Variants in SEC31A observed in about 807,000 individuals in gnomAD.
SEC31A encodes protein transport protein Sec31A.
In SEC31A, 70 loss-of-function variants were observed where a neutral mutation model predicts 151.0. The ratio of observed to expected loss-of-function variants is 0.46; its 90% CI spans 0.38 to 0.57. The LOEUF (loss-of-function observed/expected upper bound fraction) is 0.57. SEC31A is among the 20% of genes least tolerant of loss of function. The pLI, the probability that SEC31A is intolerant of heterozygous loss-of-function variation, is 0.00. For synonymous variants in SEC31A, 475 were observed against 505.9 expected (o/e 0.94, Z 0.82); for missense variants, 1,330 against 1,471.2 (o/e 0.90, Z 1.57).
At chr4:82,867,126 T>A in intron 9 of SEC31A, 29 bp downstream of exon 9, 1 of 1,595,656 alleles carries the variant, frequency 6.3e-7, no homozygotes. Context: ...TCAGGCATTA[T>A]AATAGAAAAC....
Position 82,867,217 on chromosome 4 carries a change from T to C in SEC31A, c.982A>G (p.Ile328Val), listed in dbSNP as rs1429469146. Residue 328 changes from isoleucine to valine, a missense_variant, in exon 9 of 27, where the codon ATC becomes GTC. Physicochemically the swap from Ile to Val is conservative, Grantham distance 29. Coordinates refer to ENST00000395310, the MANE Select transcript of SEC31A (RefSeq NM_001077207.4). ...CCTCCCATGATAGAATAAACACTGA[T>C]ACGCCCATCAAACGAAGCAGCTGAT... ...VLSAASFDGRISVYSIMGGST... is the reference protein window; with the variant it reads ...VLSAASFDGRVSVYSIMGGST... 6.2e-7 allele frequency: 1 copy of C among 1,614,038 alleles called. No individual in the cohort carries two copies.
intron 14 of SEC31A, among the ~76,000 whole-genome samples, chr4:82,861,344 C>G (rs561911688): frequency 4.3e-4 from 66 of 152,298 alleles, no homozygotes; most frequent in African/African-American, 1.6e-3. Context: ...TGAATAAAAT[C>G]TCTTTTCAGT....
At position 82,848,836 on chromosome 4, in the gene SEC31A, G is replaced by C. The variant is rs777405265; in HGVS notation, c.2470C>G (p.Pro824Ala). 1 of 1,613,794 alleles carries C rather than the reference G, an allele frequency of 6.2e-7. No individual in the cohort carries two copies. Among genetic ancestry groups the C allele is most frequent in the African/African-American group, 1.3e-5 (1 of 74,974 alleles). ...TAATATTGTTGAGTTTGAACTCTTG[G>C]CATCTGGTGGTGGCCAGCAACTGGT... is the stretch of plus-strand genomic sequence containing the variant. ...PGPVAGHHQMPRVQTQQYYPH... is the reference protein window; with the variant it reads ...PGPVAGHHQMARVQTQQYYPH... The change falls in exon 20 of 27, where the codon CCA becomes GCA. Residue 824 changes from proline (P) to alanine (A), a missense_variant. Pro to Ala is a conservative substitution (Grantham distance 27, BLOSUM62 -1). Transcript: ENST00000395310.
intron 15 of SEC31A, 94 bp from the exon 16 acceptor site, chr4:82,857,224 CA>C: frequency 9.6e-7 from 1 of 1,038,834 alleles, no homozygotes; most frequent in South Asian, 1.5e-5. Flanking sequence ...TATATATATA[CA>C]TGAATGGAGA....
In SEC31A at chr4:82,822,599, A is replaced by C. The variant is rs902372929; in HGVS notation, c.3412-1491T>G. Among the ~76,000 whole-genome samples, 21 of 152,334 alleles carry C rather than the reference A, an allele frequency of 1.4e-4. 1 individual carries two copies. The highest frequency in any genetic ancestry group is 1.4e-3 in the Admixed American group (21 of 15,294). On this transcript the variant is annotated intron_variant, in intron 25 of 26. Transcript: ENST00000395310. Reference sequence around the variant, plus strand: ...GCTGTTTAGACATAAAGTGAAAATAAGATACATCCATGCTATAAAAACTAT... The same window carrying C: ...GCTGTTTAGACATAAAGTGAAAATACGATACATCCATGCTATAAAAACTAT...
At chr4:82,855,180 T>G (rs1325412873) in intron 16 of SEC31A, 151 bp from the exon 17 acceptor site, 1 of 667,254 alleles carries the variant, frequency 1.5e-6, no homozygotes, top group Non-Finnish European at 2.4e-6. Flanking sequence ...AATGGTATTA[T>G]TGTTCCTCAA....
At position 82,821,040 on chromosome 4, in the gene SEC31A, C is replaced by T. The variant is rs1723196370; in HGVS notation, c.3480G>A (p.Gln1160=). 3 of 1,611,204 alleles carry T rather than the reference C, an allele frequency of 1.9e-6. No homozygotes were observed. Among genetic ancestry groups the T allele is most frequent in the African/African-American group, 2.7e-5 (2 of 74,878 alleles). Residue 1160 remains glutamine (Q), a synonymous_variant, in exon 26 of 27, where the codon CAG becomes CAA. Transcript: ENST00000395310. The part of the protein sequence containing the change: ...LEFLYDKLRE[Q]TLSPTITSGL... ...ATCCTTTTCCTCCAAAACTTACTGT[C>T]TGTTCCCTAAGTTTATCATACAGAA...
intron 1 of SEC31A, among the ~76,000 whole-genome samples, chr4:82,886,044 G>A: frequency 8.4e-6 from 1 of 118,634 alleles, no homozygotes; most frequent in South Asian, 2.4e-4. Flanking sequence ...GGGGGCAAGG[G>A]GCAGAGCCAA....
chr4:82,891,403 C>T (rs1418072323), upstream of SEC31A: 5 of 585,570 alleles, frequency 8.5e-6, no homozygotes, highest in Admixed American at 1.5e-4. Flanking sequence ...TGAGGGGCGG[C>T]GCGCAGAATG....
intron 22 of SEC31A, among the ~76,000 whole-genome samples, chr4:82,836,057 A>G (rs1392219483): frequency 2.6e-5 from 4 of 152,286 alleles, no homozygotes; most frequent in Admixed American, 1.3e-4. Flanking sequence ...TGTTTGATCC[A>G]GCAATTCCAC....
At chr4:82,884,957 G>A (rs1740342114) in intron 1 of SEC31A, among the ~76,000 whole-genome samples, 1 of 152,128 alleles carries the variant, frequency 6.6e-6, no homozygotes, top group African/African-American at 2.4e-5. Flanking sequence ...GGTATCTCCT[G>A]AAACTTTTGC....
At chr4:82,874,552 T>C (rs1737494913) in intron 6 of SEC31A, 59 bp downstream of exon 6, 5 of 1,477,466 alleles carry the variant, frequency 3.4e-6, no homozygotes, top group African/African-American at 1.4e-5. Context: ...TGACAAACAA[T>C]ATAGGAATAC....
chr4:82,875,856 T>TTTAGCTGCAA, intron 4 of SEC31A, 34 bp from the exon 5 acceptor site: 1 of 1,180,258 alleles, frequency 8.5e-7, no homozygotes, highest in Non-Finnish European at 1.2e-6. Flanking sequence ...ATAGCACTTA[T>TTTAGCTGCAA]GAATAATTAA....
At chr4:82,862,510 A>G (rs776358936) in intron 13 of SEC31A, 24 bp downstream of exon 13, 15 of 1,598,558 alleles carry the variant, frequency 9.4e-6, no homozygotes, top group Middle Eastern at 1.7e-4. Flanking sequence ...TTTAGAAGGT[A>G]GCTATTTTTA....
At chr4:82,880,076 G>A (rs375852556) in intron 3 of SEC31A, among the ~76,000 whole-genome samples, 1 of 151,900 alleles carries the variant, frequency 6.6e-6, no homozygotes, top group African/African-American at 2.4e-5. Context: ...CCAGCTACTC[G>A]GGAGGCTGAG....
intron 19 of SEC31A, among the ~76,000 whole-genome samples, chr4:82,850,446 A>G (rs1157253351): frequency 1.3e-5 from 2 of 152,200 alleles, no homozygotes; most frequent in African/African-American, 2.4e-5. Context: ...CTACCTCCAT[A>G]GTCCTGGAGA....
intron 10 of SEC31A, among the ~76,000 whole-genome samples, chr4:82,865,016 C>A (rs1735004013): frequency 6.6e-6 from 1 of 152,076 alleles, no homozygotes; most frequent in African/African-American, 2.4e-5. Context: ...TCAAGTGATC[C>A]ACCCAGATAG....
intron 15 of SEC31A, among the ~76,000 whole-genome samples, 170 bp downstream of exon 15, chr4:82,857,519 T>C (rs1019912446): frequency 6.6e-6 from 1 of 152,092 alleles, no homozygotes; most frequent in Non-Finnish European, 1.5e-5. Context: ...TTGTCCAGGA[T>C]AGCCTCAAAC....
At chr4:82,898,230 T>G (rs1267318197) in intron 3 of SEC31A, among the ~76,000 whole-genome samples, 1 of 152,198 alleles carries the variant, frequency 6.6e-6, no homozygotes, top group African/African-American at 2.4e-5. Flanking sequence ...ATGAAGTTAC[T>G]AGAAGAAGCA....
Sources: allele counts gnomAD v4.1 joint callset (sites outside exome capture counted in the v4.1 genomes callset), GRCh38; gene constraint gnomAD v4.1.1; transcripts MANE v1.5; gene names NCBI Gene and HGNC (gene_info 2026-07-23, HGNC 2026-07-21).